CNTN5: variants seen among roughly 807,000 people sequenced by gnomAD.
CNTN5 encodes contactin 5, also known as contactin-5.
Under a neutral mutation model 129.1 loss-of-function variants are expected in CNTN5, and 77 were observed. The ratio of observed to expected loss-of-function variants is 0.60; its 90% CI spans 0.50 to 0.72. CNTN5 has a LOEUF of 0.72. Ranked by LOEUF, CNTN5 falls within the 30% of genes least tolerant of loss-of-function variation. The pLI, the probability that CNTN5 is intolerant of heterozygous loss-of-function variation, is 0.00. For missense variants in CNTN5, 1,478 were observed against 1,328.8 expected (o/e 1.11, Z -1.75); for synonymous variants, 509 against 465.6 (o/e 1.09, Z -1.20).
chr11:99,369,000 T>C (rs1039868172), intron 2 of CNTN5, among the ~76,000 whole-genome samples: 2 of 151,704 alleles, frequency 1.3e-5, no homozygotes, highest in African/African-American at 4.8e-5. Flanking sequence ...TGTCTAAGAT[T>C]AGGCCATCTG....
At chr11:100,147,447 G>A (rs1946889580) in intron 13 of CNTN5, among the ~76,000 whole-genome samples, 1 of 151,398 alleles carries the variant, frequency 6.6e-6, no homozygotes, top group Admixed American at 6.6e-5. Flanking sequence ...CCTCAGTTCT[G>A]CATCCTTAGG....
intron 1 of CNTN5, among the ~76,000 whole-genome samples, chr11:99,134,094 C>A (rs1859097003): frequency 6.6e-6 from 1 of 152,136 alleles, no homozygotes; most frequent in Non-Finnish European, 1.5e-5. Context: ...GAAATCATAT[C>A]TTTTGCAGGG....
intron 4 of CNTN5, among the ~76,000 whole-genome samples, chr11:99,841,824 GTA>G (rs772414337): frequency 2.0e-4 from 27 of 138,426 alleles, no homozygotes; most frequent in East Asian, 1.1e-3. Flanking sequence ...ATATATGTGT[GTA>G]TATATATATA....
intron 1 of CNTN5, among the ~76,000 whole-genome samples, chr11:99,100,016 T>C (rs1436855241): frequency 6.6e-6 from 1 of 152,152 alleles, no homozygotes; most frequent in Non-Finnish European, 1.5e-5. Flanking sequence ...GTACATTAAA[T>C]CGTAATTTAA....
chr11:99,338,965 GTGTT>G (rs1866382347), intron 2 of CNTN5, among the ~76,000 whole-genome samples: 2 of 90,920 alleles, frequency 2.2e-5, no homozygotes, highest in African/African-American at 7.7e-5. Context: ...ATATATGTGT[GTGTT>G]TGTGTGTGTG....
intron 2 of CNTN5, among the ~76,000 whole-genome samples, chr11:99,434,488 A>G (rs542643630): frequency 6.6e-6 from 1 of 152,258 alleles, no homozygotes; most frequent in African/African-American, 2.4e-5. Flanking sequence ...TGCAACAGCA[A>G]GTAAGATGCA....
At chr11:99,743,392 G>A (rs1253568845) in intron 3 of CNTN5, among the ~76,000 whole-genome samples, 1 of 152,082 alleles carries the variant, frequency 6.6e-6, no homozygotes, top group Non-Finnish European at 1.5e-5. Context: ...ATTAAATTGT[G>A]AATTCCTGGG....
intron 13 of CNTN5, among the ~76,000 whole-genome samples, chr11:100,124,019 C>A (rs1387332705): frequency 6.6e-6 from 1 of 151,908 alleles, no homozygotes; most frequent in Admixed American, 6.6e-5. Flanking sequence ...AGTTCTTGTT[C>A]TTCTTTATAA....
At chr11:99,554,604 T>A (rs1428915156) in intron 2 of CNTN5, among the ~76,000 whole-genome samples, 1 of 152,092 alleles carries the variant, frequency 6.6e-6, no homozygotes, top group Admixed American at 6.6e-5. Flanking sequence ...TTGGGGAGTA[T>A]GGGACTGAGC....
At chr11:100,120,286 G>T (rs188977190) in intron 13 of CNTN5, among the ~76,000 whole-genome samples, 2 of 152,050 alleles carry the variant, frequency 1.3e-5, no homozygotes, top group East Asian at 1.9e-4. Flanking sequence ...GCTCTCCGGG[G>T]AAGTTATCCA....
chr11:100,185,323 G>A (rs1345931013), intron 13 of CNTN5, among the ~76,000 whole-genome samples: 1 of 151,836 alleles, frequency 6.6e-6, no homozygotes, highest in South Asian at 2.1e-4. Context: ...TGCAACTATT[G>A]TGACACACCC....
chr11:99,397,846 G>A (rs1941605493), intron 2 of CNTN5, among the ~76,000 whole-genome samples: 1 of 151,770 alleles, frequency 6.6e-6, no homozygotes, highest in African/African-American at 2.4e-5. Flanking sequence ...CTAGATCTGG[G>A]CATGAAGTTT....
intron 4 of CNTN5, among the ~76,000 whole-genome samples, chr11:99,825,937 A>G (rs1946941778): frequency 6.6e-6 from 1 of 152,156 alleles, no homozygotes; most frequent in African/African-American, 2.4e-5. Context: ...AAAATACAAC[A>G]TCTTTCTTTT....
chr11:99,461,752 A>C (rs2656193), intron 2 of CNTN5, among the ~76,000 whole-genome samples: 46 of 151,908 alleles, frequency 3.0e-4, no homozygotes, highest in African/African-American at 1.1e-3. Flanking sequence ...ACTCTTTTCC[A>C]TGTCTGAATA....
intron 18 of CNTN5, among the ~76,000 whole-genome samples, chr11:100,271,586 CCTT>C (rs1950408770): frequency 7.0e-6 from 1 of 142,310 alleles, no homozygotes; most frequent in Non-Finnish European, 1.5e-5. Context: ...AATCGGTTCA[CCTT>C]CTTTTTTTCC....
At chr11:99,942,743 G>C (rs372925756) in intron 7 of CNTN5, among the ~76,000 whole-genome samples, 128 of 152,038 alleles carry the variant, frequency 8.4e-4, no homozygotes, top group Middle Eastern at 3.4e-3. Flanking sequence ...TGTTCTCATT[G>C]TTCAAGTCCC....
rs545498920 is a variant in CNTN5, at chr11:99,752,263, A to C, written c.56-67281A>C. ...TTTTTCAGAAAGTTGGAAGAGGCGA[A>C]TTCATTTAAAATATCTTACCCATTT... On this transcript the variant is annotated intron_variant, in intron 3 of 24. Transcript: ENST00000524871. 3.3e-5 allele frequency among the ~76,000 whole-genome samples: 5 copies of C among 152,318 alleles called. No homozygotes were observed. The South Asian group carries it at 1.0e-3, about 32-fold the overall frequency.
intron 2 of CNTN5, among the ~76,000 whole-genome samples, chr11:99,549,998 G>T (rs1362442955): frequency 6.6e-6 from 1 of 151,862 alleles, no homozygotes; most frequent in Non-Finnish European, 1.5e-5. Flanking sequence ...TAAAATTTTT[G>T]CTGGACCCTA....
At chr11:99,784,720 T>G (rs1945449081) in intron 3 of CNTN5, among the ~76,000 whole-genome samples, 1 of 151,130 alleles carries the variant, frequency 6.6e-6, no homozygotes, top group African/African-American at 2.4e-5. Context: ...TTTCTCCACA[T>G]CCTCTCCAGC....
Sources: allele counts gnomAD v4.1 joint callset (sites outside exome capture counted in the v4.1 genomes callset), GRCh38; gene constraint gnomAD v4.1.1; transcripts MANE v1.5; gene names NCBI Gene and HGNC (gene_info 2026-07-23, HGNC 2026-07-21).